Variants in PPP6R1 observed in about 807,000 individuals in gnomAD.
PPP6R1 encodes serine/threonine-protein phosphatase 6 regulatory subunit 1.
In PPP6R1, 39 loss-of-function variants were observed where a neutral mutation model predicts 104.6. The ratio of observed to expected loss-of-function variants is 0.37; its 90% CI spans 0.29 to 0.49. The LOEUF (loss-of-function observed/expected upper bound fraction) is 0.49, where lower values mean the gene tolerates loss of function less well. PPP6R1 is among the 20% of genes least tolerant of loss of function. The pLI, the probability that PPP6R1 is intolerant of heterozygous loss-of-function variation, is 0.98. For missense variants in PPP6R1, 1,181 were observed against 1,155.8 expected, an observed-to-expected ratio of 1.02 and a Z score of -0.32; for synonymous variants, 549 against 479.0, an observed-to-expected ratio of 1.15 and a Z score of -1.91.
chr19:55,257,292 C>T (rs2087600471), intron 1 of PPP6R1, among the ~76,000 whole-genome samples: 1 of 152,216 alleles, frequency 6.6e-6, no homozygotes, highest in African/African-American at 2.4e-5. Flanking sequence ...CGCCCTTGGG[C>T]TGGATGAAAT....
chr19:55,247,966 G>A (rs889046704), intron 1 of PPP6R1, among the ~76,000 whole-genome samples: 5 of 152,172 alleles, frequency 3.3e-5, no homozygotes, highest in African/African-American at 9.7e-5. Flanking sequence ...GCTGGCTCCC[G>A]CCCTCTGGAG....
chr19:55,243,404 CAAAAAAAA>C (rs58375899), intron 5 of PPP6R1, among the ~76,000 whole-genome samples: 2 of 49,134 alleles, frequency 4.1e-5, no homozygotes, highest in Admixed American at 2.1e-4. Flanking sequence ...GACTCCATCT[CAAAAAAAA>C]AAAAAAAAAA....
Position 55,241,286 on chromosome 19 carries a change from C to G in PPP6R1, c.1114G>C (p.Ala372Pro). ...AGTGCCAGGAGCTCGTGCGTCAGGGCTGCATCATTGGCGCTCAGGGCACTG... is the reference window on the plus strand; with the variant it reads ...AGTGCCAGGAGCTCGTGCGTCAGGGGTGCATCATTGGCGCTCAGGGCACTG... The part of the protein sequence containing the change: ...LASALSANDA[A>P]LTHELLALDV... Residue 372 changes from alanine (A) to proline (P), a missense_variant, in exon 9 of 24, where the codon GCC (alanine) becomes CCC (proline). By Grantham distance (27) the Ala-to-Pro change is conservative. Transcript: ENST00000412770. The surrounding 1 kb of genome is among the most constrained non-coding windows in gnomAD (Gnocchi z 5.4). 6.2e-7 allele frequency: 1 copy of G among 1,610,758 alleles called. No individual in the cohort carries two copies.
At chr19:55,250,460 T>C (rs76773041) in intron 1 of PPP6R1, among the ~76,000 whole-genome samples, 8,453 of 152,240 alleles carry the variant, frequency 0.056, 674 homozygotes, top group African/African-American at 0.18. Flanking sequence ...CTCCAGCACT[T>C]GCTCTGCCTG....
intron 1 of PPP6R1, among the ~76,000 whole-genome samples, chr19:55,257,940 G>A (rs1446712387): frequency 2.0e-5 from 3 of 152,222 alleles, no homozygotes; most frequent in Non-Finnish European, 2.9e-5. Flanking sequence ...GGAGGCGGGA[G>A]AGGGTCGGTC....
Position 55,230,293 on chromosome 19 carries a change from T to C in PPP6R1, c.*235A>G. On this transcript the variant is annotated 3_prime_UTR_variant, in exon 24 of 24. Transcript: ENST00000412770. ...TTTCTCTCTCTCCATTCTCTCTATT[T>C]GACTCTCTGTATCTTTATTCTAGGA... 5.0e-6 allele frequency: 3 copies of C among 596,360 alleles called. No homozygotes were observed. In the East Asian group the frequency reaches 8.3e-5, roughly 17 times the overall value. 36.9% of individuals were successfully genotyped at this position (596,360 alleles called of 1,614,324 possible). A position where few individuals can be genotyped will look rare whatever the true frequency, so the allele number is the denominator to read the frequency against.
At chr19:55,258,406 G>C (rs943159280) in intron 1 of PPP6R1, 29 bp downstream of exon 1, 1 of 151,924 alleles carries the variant, frequency 6.6e-6, no homozygotes, top group Non-Finnish European at 1.5e-5. Context: ...GCCCTGGAGA[G>C]AGAGGGTCGG....
chr19:55,258,908 C>T lies in PPP6R1; in HGVS notation c.-480G>A, dbSNP rs2087617683. ...GAGCCGAGCAGCGACCGACGGAAGC[C>T]GAGGCCTACTTCCTTAACCACCCCT... On this transcript the variant is annotated 5_prime_UTR_variant, in exon 1 of 24. Coordinates refer to ENST00000412770, the MANE Select transcript of PPP6R1 (RefSeq NM_014931.4). 1 of 152,222 alleles carries T rather than the reference C, an allele frequency of 6.6e-6. No individual in the cohort carries two copies. Among genetic ancestry groups the T allele is most frequent in the Non-Finnish European group, 1.5e-5 (1 of 68,062 alleles). 9.4% of individuals were successfully genotyped at this position (152,222 alleles called of 1,614,324 possible). A position where few individuals can be genotyped will look rare whatever the true frequency, so the allele number is the denominator to read the frequency against.
chr19:55,239,074 T>C, intron 15 of PPP6R1: 1 of 358,700 alleles, frequency 2.8e-6, no homozygotes, highest in Admixed American at 4.0e-5. Flanking sequence ...CCCACTACCC[T>C]GAGCCCCTCC....
At chr19:55,250,322 G>GAA (rs1468542472) in intron 1 of PPP6R1, among the ~76,000 whole-genome samples, 1 of 152,242 alleles carries the variant, frequency 6.6e-6, no homozygotes, top group African/African-American at 2.4e-5. Flanking sequence ...TCCAGGGGTT[G>GAA]GCGGGCAGTG....
chr19:55,251,968 C>G (rs2087557039), intron 1 of PPP6R1, among the ~76,000 whole-genome samples: 1 of 151,974 alleles, frequency 6.6e-6, no homozygotes, highest in South Asian at 2.1e-4. Flanking sequence ...CGTGGGAGAC[C>G]AAGCAGGCTG....
chr19:55,239,308 C>T (rs2087427781), intron 15 of PPP6R1, 97 bp downstream of exon 15: 1 of 1,252,868 alleles, frequency 8.0e-7, no homozygotes, highest in Non-Finnish European at 1.1e-6. Context: ...GCTGAGCCCA[C>T]AGGGCATGTA....
Position 55,241,594 on chromosome 19 carries a change from C to T in PPP6R1, c.891G>A (p.Gly297=). 1 of 1,586,490 alleles carries T rather than the reference C, an allele frequency of 6.3e-7. No individual in the cohort carries two copies. Among genetic ancestry groups the T allele is most frequent in the Non-Finnish European group, 8.6e-7 (1 of 1,167,582 alleles). Residue 297 remains glycine (G), a synonymous_variant, in exon 8 of 24, where the codon GGG becomes GGA. Transcript: ENST00000412770. This position sits in a 1 kb window ranked among gnomAD's most constrained non-coding sequence, Gnocchi z 5.4. ...CCCCCTGGGCCAGGAGCTCCAGCTG[C>T]CCATCCACACTGCTGAAGAAGCTGT... is the stretch of plus-strand genomic sequence containing the variant. The part of the protein sequence containing the change: ...TVNSFFSSVD[G]QLELLAQGAL...
At chr19:55,238,985 G>A (rs2087423923) in intron 15 of PPP6R1, 1 of 186,724 alleles carries the variant, frequency 5.4e-6, no homozygotes, top group South Asian at 1.2e-4. Flanking sequence ...GGACCCCCAT[G>A]TCTGGCAGAC....
At chr19:55,234,161 G>A (rs1006759994) in intron 17 of PPP6R1, among the ~76,000 whole-genome samples, 2 of 152,110 alleles carry the variant, frequency 1.3e-5, no homozygotes, top group Admixed American at 1.3e-4. Context: ...TGGCCAGGCT[G>A]GTCTCAAACT....
Position 55,230,593 on chromosome 19 carries a change from G to GCCCC in PPP6R1, c.2642+19_2642+20insGGGG, listed in dbSNP as rs1568941796. ...AGGCCCAGCCCCACCTACCCAGCCC[G>GCCCC]AGGCTGCAGCCACACTCACTGGGAG... On this transcript the variant is annotated intron_variant, in intron 23 of 23. Coordinates refer to ENST00000412770, the MANE Select transcript of PPP6R1 (RefSeq NM_014931.4). The GCCCC allele has an allele frequency of 6.2e-7, 1 of 1,611,724 alleles. No individual in the cohort carries two copies. The highest frequency in any genetic ancestry group is 8.5e-7 in the Non-Finnish European group (1 of 1,179,002).
At chr19:55,247,218 C>T (rs2087517258) in intron 1 of PPP6R1, 109 bp from the exon 2 acceptor site, 1 of 1,151,356 alleles carries the variant, frequency 8.7e-7, no homozygotes, top group Non-Finnish European at 1.3e-6. Flanking sequence ...AGCCTCTCCC[C>T]AAGTCCCAGC....
downstream of PPP6R1, chr19:55,228,928 G>A: frequency 1.6e-6 from 1 of 609,858 alleles, no homozygotes; most frequent in East Asian, 2.8e-5. Context: ...ATAAAGCACT[G>A]TTGGCACTGG....
intron 5 of PPP6R1, among the ~76,000 whole-genome samples, chr19:55,244,916 T>C (rs1793641716): frequency 6.6e-6 from 1 of 152,084 alleles, no homozygotes; most frequent in East Asian, 1.9e-4. Flanking sequence ...GCTAAGTTTT[T>C]ACGTAGAGAC....
Sources: gnomAD v4.1 joint callset for allele counts (sites outside exome capture counted in the v4.1 genomes callset) on GRCh38, gnomAD v4.1.1 for gene constraint, Gnocchi (gnomAD v3.1) non-coding constraint, MANE v1.5 for transcripts, NCBI Gene and HGNC (gene_info 2026-07-23, HGNC 2026-07-21) for gene names.